The following NLRC5 variants were observed in gnomAD, a reference collection of about 807,000 sequenced individuals.
NLRC5 encodes the protein protein NLRC5.
NLRC5 carries 114 observed loss-of-function variants against 206.9 expected under a neutral mutation model. That is an observed-to-expected ratio of 0.55 (90% CI 0.47 to 0.64). The LOEUF is 0.64. Among genes scored for constraint, NLRC5 ranks in the 30% least tolerant of loss-of-function variants. NLRC5 has a pLI of 0.00. For missense variants in NLRC5, 2,008 were observed against 2,305.5 expected (o/e 0.87, Z 2.64); for synonymous variants, 952 against 962.8 (o/e 0.99, Z 0.21).
chr16:57,023,616 C>A (rs2060916440), intron 4 of NLRC5, among the ~76,000 whole-genome samples, 169 bp from the exon 5 acceptor site: 1 of 152,218 alleles, frequency 6.6e-6, no homozygotes, highest in Admixed American at 6.5e-5. Flanking sequence ...CAAATAGAAG[C>A]TGGTGTTGAC....
At chr16:57,040,119 G>C (rs527442748) in intron 16 of NLRC5, among the ~76,000 whole-genome samples, 2 of 152,338 alleles carry the variant, frequency 1.3e-5, no homozygotes, top group East Asian at 3.9e-4. Flanking sequence ...AGCCAGAGGG[G>C]GATTCCGGGA....
chr16:57,041,329 T>C (rs2143656722), intron 17 of NLRC5, 156 bp from the exon 18 acceptor site: 2 of 607,078 alleles, frequency 3.3e-6, no homozygotes, highest in South Asian at 4.0e-5. Flanking sequence ...TGTGTGTTGG[T>C]CCCTCTTTGT....
In NLRC5 at chr16:57,024,129, C is replaced by T. The variant is rs199475971; in HGVS notation, c.424+276C>T. Among the ~76,000 whole-genome samples the T allele has an allele frequency of 1.3e-5, 2 of 152,350 alleles. No homozygotes were observed. Among genetic ancestry groups the T allele is most frequent in the East Asian group, 1.9e-4 (1 of 5,182 alleles). ...GGAAGCACCATACAGGTCTCAGCTT[C>T]GCTGTCCAGGCTTTTCCAGGGACAC... On this transcript the variant is annotated intron_variant, in intron 5 of 48. Coordinates refer to ENST00000688547, the MANE Select transcript of NLRC5 (RefSeq NM_001384950.1).
At chr16:57,070,798 G>A (rs2067568433) in intron 38 of NLRC5, among the ~76,000 whole-genome samples, 180 bp downstream of exon 38, 2 of 150,630 alleles carry the variant, frequency 1.3e-5, no homozygotes, top group South Asian at 4.2e-4. Context: ...CTGAGTGAGT[G>A]GTGGGAGTGG....
chr16:57,006,535 C>G (rs1318338213), intron 1 of NLRC5, among the ~76,000 whole-genome samples: 1 of 150,936 alleles, frequency 6.6e-6, no homozygotes, highest in African/African-American at 2.4e-5. Context: ...ACCTCAGCCT[C>G]CTGAGTGGCT....
In NLRC5 at chr16:57,063,005, T is replaced by TTG. The variant is rs201982294; in HGVS notation, c.4154+1306_4154+1307dup. Among the ~76,000 whole-genome samples, 1,229 of 152,284 alleles carry TTG rather than the reference T, an allele frequency of 8.1e-3. 43 individuals are homozygous for TTG. Among genetic ancestry groups the TTG allele is most frequent in the Non-Finnish European group, 6.2e-3 (424 of 68,024 alleles). ...TTTATATGAGTGGAGTCATTTGTAT[T>TTG]TGTCTGTATTTGTCTTTTTGTGACT... On this transcript the variant is annotated intron_variant, in intron 32 of 48. Transcript: ENST00000688547.
chr16:56,991,357 T>C (rs1346889680), intron 1 of NLRC5, among the ~76,000 whole-genome samples: 1 of 150,726 alleles, frequency 6.6e-6, no homozygotes, highest in Non-Finnish European at 1.5e-5. Context: ...AAAACTTCTT[T>C]TGCTGTTGTT....
chr16:57,036,061 C>T, intron 13 of NLRC5, 39 bp from the exon 14 acceptor site: 1 of 1,581,494 alleles, frequency 6.3e-7, no homozygotes, highest in East Asian at 2.2e-5. Flanking sequence ...AGGGAGGACT[C>T]CAGCCCCACA....
intron 1 of NLRC5, among the ~76,000 whole-genome samples, chr16:57,000,437 C>T (rs2058111672): frequency 6.6e-6 from 1 of 152,116 alleles, no homozygotes; most frequent in Non-Finnish European, 1.5e-5. Context: ...AGAAGATGGC[C>T]TTGTTGGACT....
In NLRC5 at chr16:57,077,308, C is replaced by A; in HGVS notation, c.4848C>A (p.Asn1616Lys). Residue 1616 changes from asparagine to lysine, a missense_variant, in exon 41 of 49, where the codon AAC becomes AAA. Coordinates refer to ENST00000688547, the MANE Select transcript of NLRC5 (RefSeq NM_001384950.1). ...TSLEELDLSH[N>K]QIGDAGVQHL... ...TTTCTCCCCCAAGCTTGAGCCACAACCAGATTGGAGACGCTGGTGTCCAGC... is the reference window on the plus strand; with the variant it reads ...TTTCTCCCCCAAGCTTGAGCCACAAACAGATTGGAGACGCTGGTGTCCAGC... 1 of 1,614,088 alleles carries A rather than the reference C, an allele frequency of 6.2e-7. No homozygotes were observed.
intron 1 of NLRC5, among the ~76,000 whole-genome samples, chr16:56,996,974 A>G (rs1488397064): frequency 6.6e-6 from 1 of 152,046 alleles, no homozygotes; most frequent in East Asian, 1.9e-4. Flanking sequence ...GGCTCAGGTG[A>G]TCCTTCTGCC....
At position 57,026,435 on chromosome 16, in the gene NLRC5, T is replaced by G. The variant is rs759296797; in HGVS notation, c.1492T>G (p.Cys498Gly). ...GATHSLLTSFCVCTGPGHQQT... is the reference protein window; with the variant it reads ...GATHSLLTSFGVCTGPGHQQT... ...CACTCACAGCCTGCTGACTTCCTTC[T>G]GCGTCTGCACAGGCCCTGGGCACCA... is the stretch of plus-strand genomic sequence containing the variant. The change falls in exon 6 of 49, where the codon TGC (cysteine) becomes GGC (glycine). Residue 498 changes from cysteine to glycine, a missense_variant. By Grantham distance (159) the Cys-to-Gly change is radical. Transcript: ENST00000688547. 92 of 1,614,030 alleles carry G rather than the reference T, an allele frequency of 5.7e-5. No individual in the cohort carries two copies. The highest frequency in any genetic ancestry group is 8.3e-5 in the Admixed American group (5 of 60,008).
rs77008839 is a variant in NLRC5 at position 57,081,692 on chromosome 16, C to T, written c.5489+82C>T. On this transcript the variant is annotated intron_variant, in intron 48 of 48. Transcript: ENST00000688547. Reference sequence around the variant, plus strand: ...ATCTAATGGGACTCCCTGGAGGAGGCGGCAGGGCCTGGGCTGGGGATTATC... The same window carrying T: ...ATCTAATGGGACTCCCTGGAGGAGGTGGCAGGGCCTGGGCTGGGGATTATC... 128,008 of 1,237,658 alleles carry T rather than the reference C, an allele frequency of 0.1. 7,475 individuals are homozygous for T. Among genetic ancestry groups the T allele is most frequent in the Non-Finnish European group, 0.12 (102,007 of 845,448 alleles). The allele number at this position is 1,237,658 out of a possible 1,614,324, so 76.7% of individuals were successfully genotyped here.
chr16:57,011,620 G>C (rs566024546), intron 1 of NLRC5, among the ~76,000 whole-genome samples: 132 of 151,904 alleles, frequency 8.7e-4, no homozygotes, highest in African/African-American at 3.1e-3. Context: ...TACTCAGGAG[G>C]GTGAGGCAGG....
rs144667197 is a variant in NLRC5, at chr16:57,010,289, A to T, written c.-127-6785A>T. ...CAACTTTGTCAACTGCTTTTCCAGT[A>T]GAAATGTAGTGTCCTTATCACACAT... is the stretch of plus-strand genomic sequence containing the variant. On this transcript the variant is annotated intron_variant, in intron 1 of 48. Transcript: ENST00000688547. Among the ~76,000 whole-genome samples, 16 of 152,384 alleles carry T rather than the reference A, an allele frequency of 1.0e-4. 1 individual carries two copies. Among genetic ancestry groups the T allele is most frequent in the Admixed American group, 9.8e-4 (15 of 15,300 alleles).
chr16:57,005,577 T>C (rs2058802861), intron 1 of NLRC5, among the ~76,000 whole-genome samples: 1 of 151,898 alleles, frequency 6.6e-6, no homozygotes, highest in African/African-American at 2.4e-5. Context: ...GTAATAGATA[T>C]ATTCAACTTT....
rs140227724 is a variant in NLRC5, at chr16:57,046,692, G to A, written c.3338+51G>A. 10,892 of 1,464,052 alleles carry A rather than the reference G, an allele frequency of 7.4e-3. 74 individuals are homozygous for A. The highest frequency in any genetic ancestry group is 9.5e-3 in the Non-Finnish European group (9,985 of 1,048,422). The allele number at this position is 1,464,052 out of a possible 1,614,324, so 90.7% of individuals were successfully genotyped here. ...GGGGTAACCATAATAGGGATGAGGCGTCAGAGGGGGCAGAGCTGGCAGGGG... is the reference window on the plus strand; with the variant it reads ...GGGGTAACCATAATAGGGATGAGGCATCAGAGGGGGCAGAGCTGGCAGGGG... On this transcript the variant is annotated intron_variant, in intron 22 of 48. Coordinates refer to ENST00000688547, the MANE Select transcript of NLRC5 (RefSeq NM_001384950.1).
rs779817822 is a variant in NLRC5, at chr16:57,037,247, G to A, written c.2764G>A (p.Val922Met). 35 of 1,613,628 alleles carry A rather than the reference G, an allele frequency of 2.2e-5. No homozygotes were observed. Among genetic ancestry groups the A allele is most frequent in the East Asian group, 8.9e-5 (4 of 44,890 alleles). The change falls in exon 15 of 49, where the codon GTG becomes ATG. Residue 922 changes from valine (V) to methionine (M), a missense_variant. Physicochemically the swap from Val to Met is conservative, Grantham distance 21. Coordinates refer to ENST00000688547, the MANE Select transcript of NLRC5 (RefSeq NM_001384950.1). ...VAGVHCVLRA[V>M]SACWTLAELH... is the part of the protein sequence containing the mutation. ...CGGGGTGCATTGTGTGCTGAGGGCC[G>A]TGAGTGCGTGCTGGACCCTGGCAGA...
At chr16:57,011,242 G>T (rs369742536) in intron 1 of NLRC5, among the ~76,000 whole-genome samples, 3 of 151,840 alleles carry the variant, frequency 2.0e-5, no homozygotes, top group Non-Finnish European at 2.9e-5. Flanking sequence ...GTGAAACCCC[G>T]TCTCTACTAA....
Sources: gnomAD v4.1 joint callset for allele counts (sites outside exome capture counted in the v4.1 genomes callset) on GRCh38, gnomAD v4.1.1 for gene constraint, MANE v1.5 for transcripts, NCBI Gene and HGNC (gene_info 2026-07-23, HGNC 2026-07-21) for gene names.